Variants in DPP10 observed in about 807,000 individuals in gnomAD.
DPP10 encodes the protein inactive dipeptidyl peptidase 10.
DPP10 carries 33 observed loss-of-function variants against 120.9 expected under a neutral mutation model. The observed-to-expected ratio is 0.27, with a 90% confidence interval of 0.21 to 0.37. The LOEUF is 0.37. DPP10 is among the 10% of genes least tolerant of loss of function. The probability of loss-of-function intolerance (pLI) is 1.00; values close to 1 mark genes in which losing one functional copy is unlikely to be tolerated. For missense variants in DPP10, 816 were observed against 942.8 expected (o/e 0.87, Z 1.76); for synonymous variants, 337 against 326.1 (o/e 1.03, Z -0.36).
intron 1 of DPP10, among the ~76,000 whole-genome samples, chr2:114,656,065 A>G (rs1696945948): frequency 6.6e-6 from 1 of 152,186 alleles, no homozygotes; most frequent in Non-Finnish European, 1.5e-5. Context: ...ATAATTAGTT[A>G]TGTTGAGATT....
At chr2:115,715,228 A>T (rs1272392675) in intron 7 of DPP10, among the ~76,000 whole-genome samples, 1 of 148,734 alleles carries the variant, frequency 6.7e-6, no homozygotes, top group Non-Finnish European at 1.5e-5. Context: ...AATCCCAGCT[A>T]CTTAGGAGGC....
intron 1 of DPP10, among the ~76,000 whole-genome samples, chr2:115,137,351 G>A (rs1302380923): frequency 6.6e-6 from 1 of 152,214 alleles, no homozygotes; most frequent in Admixed American, 6.5e-5. Flanking sequence ...CAGTGAACCA[G>A]TGGTATCAGA....
rs565040890 is a variant in DPP10 at position 114,654,166 on chromosome 2, C to T, written c.60+211328C>T. Among the ~76,000 whole-genome samples the T allele has an allele frequency of 2.0e-5, 3 of 152,280 alleles. No individual in the cohort carries two copies. In the South Asian group the frequency reaches 6.2e-4, roughly 32 times the overall value. On this transcript the variant is annotated intron_variant, in intron 1 of 25. Coordinates refer to ENST00000410059, the MANE Select transcript of DPP10 (RefSeq NM_020868.6). ...ACTGCTATTCAAAGACCTAGCACTTCTGTACATACGAGTAAACTGCACTCG... is the reference window on the plus strand; with the variant it reads ...ACTGCTATTCAAAGACCTAGCACTTTTGTACATACGAGTAAACTGCACTCG...
At chr2:115,720,230 A>T (rs2092611725) in intron 7 of DPP10, among the ~76,000 whole-genome samples, 1 of 152,176 alleles carries the variant, frequency 6.6e-6, no homozygotes. Context: ...AGCCATTCTA[A>T]TTATAATACC....
intron 5 of DPP10, among the ~76,000 whole-genome samples, chr2:115,628,069 G>A (rs547448454): frequency 5.4e-4 from 78 of 144,776 alleles, no homozygotes; most frequent in African/African-American, 1.9e-3. Flanking sequence ...TGCCATTTCT[G>A]GTTCTAGGTC....
chr2:115,125,582 T>C (rs967190421), intron 1 of DPP10, among the ~76,000 whole-genome samples: 1 of 148,070 alleles, frequency 6.8e-6, no homozygotes. Context: ...TTTTTTTTTT[T>C]TTTTTTGAGA....
At chr2:115,105,426 A>T (rs1438022908) in intron 1 of DPP10, among the ~76,000 whole-genome samples, 2 of 38,142 alleles carry the variant, frequency 5.2e-5, no homozygotes, top group Non-Finnish European at 4.6e-5. Context: ...ACATGGTGAG[A>T]GAGAGAGAGA....
intron 1 of DPP10, among the ~76,000 whole-genome samples, chr2:114,626,635 GAA>G (rs1694538141): frequency 6.6e-6 from 1 of 152,054 alleles, no homozygotes. Flanking sequence ...TGAGAATGAA[GAA>G]AGTTGGCTGG....
intron 7 of DPP10, among the ~76,000 whole-genome samples, chr2:115,695,703 T>C (rs1008392750): frequency 6.6e-6 from 1 of 152,140 alleles, no homozygotes; most frequent in Non-Finnish European, 1.5e-5. Flanking sequence ...TCAGGGGAGA[T>C]TCTGATTTCC....
chr2:115,289,525 A>AAAAG (rs2060567777), intron 1 of DPP10, among the ~76,000 whole-genome samples: 1 of 151,526 alleles, frequency 6.6e-6, no homozygotes, highest in African/African-American at 2.4e-5. Flanking sequence ...AAAAGAAAAA[A>AAAAG]GAGCCTAAAT....
At chr2:114,572,031 A>T (rs1265138539) in intron 1 of DPP10, among the ~76,000 whole-genome samples, 1 of 150,348 alleles carries the variant, frequency 6.7e-6, no homozygotes, top group Non-Finnish European at 1.5e-5. Flanking sequence ...TATGTAGTAC[A>T]TATATAATAT....
chr2:115,498,101 C>T (rs2076497810), intron 3 of DPP10, among the ~76,000 whole-genome samples: 1 of 152,024 alleles, frequency 6.6e-6, no homozygotes, highest in African/African-American at 2.4e-5. Context: ...TTACTTTCCT[C>T]CTTCCTAAAA....
intron 1 of DPP10, among the ~76,000 whole-genome samples, chr2:114,799,839 A>G (rs1684042747): frequency 6.6e-6 from 1 of 152,238 alleles, no homozygotes. Flanking sequence ...ATGAAGAGTC[A>G]GCAAATGAGC....
chr2:115,225,493 ATGTGTGTG>A (rs35747472), intron 1 of DPP10, among the ~76,000 whole-genome samples: 2 of 149,998 alleles, frequency 1.3e-5, no homozygotes, highest in Non-Finnish European at 3.0e-5. Flanking sequence ...AACCGCATGA[ATGTGTGTG>A]TGTGTGTGTG....
At chr2:115,615,127 T>C (rs1309823912) in intron 5 of DPP10, among the ~76,000 whole-genome samples, 1 of 152,074 alleles carries the variant, frequency 6.6e-6, no homozygotes, top group Admixed American at 6.6e-5. Context: ...ATACCTACTT[T>C]AATTCCAGAA....
At chr2:114,623,789 C>T (rs1024793216) in intron 1 of DPP10, among the ~76,000 whole-genome samples, 4 of 152,006 alleles carry the variant, frequency 2.6e-5, no homozygotes, top group Non-Finnish European at 5.9e-5. Flanking sequence ...GTCTAAAAAT[C>T]GCTGTTGAGA....
At chr2:115,029,384 T>G (rs189186652) in intron 1 of DPP10, among the ~76,000 whole-genome samples, 2 of 152,130 alleles carry the variant, frequency 1.3e-5, no homozygotes, top group Admixed American at 1.3e-4. Flanking sequence ...TAGAGTATTC[T>G]AGGTTTGTCT....
intron 1 of DPP10, among the ~76,000 whole-genome samples, chr2:115,298,767 A>T (rs2060998116): frequency 6.6e-6 from 1 of 152,058 alleles, no homozygotes; most frequent in African/African-American, 2.4e-5. Flanking sequence ...GGGCTGAATA[A>T]TTTTTATTTT....
At chr2:115,141,413 A>C (rs1367479273) in intron 1 of DPP10, among the ~76,000 whole-genome samples, 1 of 152,212 alleles carries the variant, frequency 6.6e-6, no homozygotes, top group Non-Finnish European at 1.5e-5. Flanking sequence ...TTCGATGTGG[A>C]AACTCTTATT....
Sources: allele counts gnomAD v4.1 joint callset (sites outside exome capture counted in the v4.1 genomes callset), GRCh38; gene constraint gnomAD v4.1.1; transcripts MANE v1.5; gene names NCBI Gene and HGNC (gene_info 2026-07-23, HGNC 2026-07-21).